SLC30A8: variants seen among roughly 807,000 people sequenced by gnomAD.
The protein encoded by SLC30A8 is solute carrier family 30 member 8, also known as proton-coupled zinc antiporter SLC30A8.
Under a neutral mutation model 36.9 loss-of-function variants are expected in SLC30A8, and 27 were observed. The ratio of observed to expected loss-of-function variants is 0.73; its 90% CI spans 0.54 to 1.01. SLC30A8 has a LOEUF of 1.01. SLC30A8 is among the 50% of genes least tolerant of loss of function. The pLI, the probability that SLC30A8 is intolerant of heterozygous loss-of-function variation, is 0.00. For missense variants in SLC30A8, 439 were observed against 452.0 expected (o/e 0.97, Z 0.26); for synonymous variants, 164 against 172.4 (o/e 0.95, Z 0.38).
chr8:117,161,921 T>TA, intron 5 of SLC30A8, 33 bp downstream of exon 5: 31 of 1,588,620 alleles, frequency 2.0e-5, no homozygotes, highest in Non-Finnish European at 2.6e-5. Flanking sequence ...TCCTAGTACT[T>TA]ATGTAGATTA....
At chr8:117,057,471 C>T (rs758057982) in intron 2 of SLC30A8, among the ~76,000 whole-genome samples, 1 of 151,788 alleles carries the variant, frequency 6.6e-6, no homozygotes, top group Non-Finnish European at 1.5e-5. Flanking sequence ...ACATTAGGTC[C>T]CAAGAATTTA....
Position 117,033,907 on chromosome 8 carries a change from T to C in SLC30A8, c.-265-5312T>C, listed in dbSNP as rs1470575789. Among the ~76,000 whole-genome samples the C allele has an allele frequency of 2.0e-5, 3 of 152,298 alleles. No homozygotes were observed. In the East Asian group the frequency reaches 5.8e-4, roughly 29 times the overall value. On this transcript the variant is annotated intron_variant, in intron 1 of 10. Coordinates refer to the SLC30A8 transcript ENST00000427715. ...ATTACTGAACTGCAAGGTAATACAT[T>C]TGTATTTTTTCCTAAGCTAAAAAAG...
chr8:117,045,873 T>C (rs2130764332), intron 2 of SLC30A8, among the ~76,000 whole-genome samples: 1 of 152,174 alleles, frequency 6.6e-6, no homozygotes, highest in Non-Finnish European at 1.5e-5. Flanking sequence ...GGTCTCTTTC[T>C]GCCTCTGGTT....
intron 2 of SLC30A8, among the ~76,000 whole-genome samples, chr8:117,049,585 T>A (rs1049362891): frequency 6.6e-6 from 1 of 152,218 alleles, no homozygotes; most frequent in African/African-American, 2.4e-5. Context: ...TTTGGAAGCT[T>A]TGAAAATGTT....
In SLC30A8 at chr8:117,113,971, T is replaced by C. The variant is rs10093229; in HGVS notation, c.-225-21309T>C. Among the ~76,000 whole-genome samples the C allele has an allele frequency of 5.8e-3, 881 of 152,180 alleles. 9 individuals are homozygous for C. Among genetic ancestry groups the C allele is most frequent in the African/African-American group, 0.02 (827 of 41,534 alleles). ...CGAGGACAACAGATTAACTAAAGAT[T>C]ATGTTTTTATCATCTGCTTCTTTAG... is the stretch of plus-strand genomic sequence containing the variant. On this transcript the variant is annotated intron_variant, in intron 2 of 10. Coordinates refer to the SLC30A8 transcript ENST00000427715.
intron 2 of SLC30A8, among the ~76,000 whole-genome samples, chr8:117,119,142 C>G (rs1020472855): frequency 1.3e-5 from 2 of 151,826 alleles, no homozygotes; most frequent in African/African-American, 2.4e-5. Context: ...CAGATAGGCT[C>G]TACTAGTAGG....
chr8:117,153,027 T>C lies in SLC30A8; in HGVS notation c.355T>C (p.Phe119Leu). 2 of 1,613,706 alleles carry C rather than the reference T, an allele frequency of 1.2e-6. 1 individual carries two copies. The highest frequency in any genetic ancestry group is 2.2e-5 in the South Asian group (2 of 91,014). The change falls in exon 3 of 8, where the codon TTC (phenylalanine) becomes CTC (leucine). Residue 119 changes from phenylalanine to leucine, a missense_variant. Coordinates refer to ENST00000456015, the MANE Select transcript of SLC30A8 (RefSeq NM_173851.3). The stretch of plus-strand genomic sequence containing the variant: ...CCTGACCAGTTTCCTGCTCAGTCTC[T>C]TCTCCCTGTGGTTGTCATCGAAGCC... ...IDLTSFLLSLFSLWLSSKPPS... is the reference protein window; with the variant it reads ...IDLTSFLLSLLSLWLSSKPPS...
intron 2 of SLC30A8, among the ~76,000 whole-genome samples, chr8:117,099,257 G>T (rs1819606952): frequency 1.3e-5 from 2 of 152,144 alleles, no homozygotes; most frequent in African/African-American, 2.4e-5. Flanking sequence ...ATTTGTCATT[G>T]CCTACCTTTT....
intron 4 of SLC30A8, among the ~76,000 whole-genome samples, chr8:117,158,809 T>C (rs1010141786): frequency 6.6e-5 from 10 of 152,248 alleles, no homozygotes; most frequent in Admixed American, 3.3e-4. Context: ...TCTAGCTAGC[T>C]ATCGTGTTGG....
intron 2 of SLC30A8, among the ~76,000 whole-genome samples, chr8:117,073,879 A>G (rs1038006172): frequency 6.6e-6 from 1 of 151,938 alleles, no homozygotes; most frequent in African/African-American, 2.4e-5. Context: ...TCCACAAATA[A>G]TTCATAGGGT....
chr8:117,014,907 T>C (rs999929685), intron 1 of SLC30A8, among the ~76,000 whole-genome samples: 1 of 152,134 alleles, frequency 6.6e-6, no homozygotes, highest in African/African-American at 2.4e-5. Context: ...TCTTCTCTGC[T>C]AATATCTGTT....
intron 1 of SLC30A8, among the ~76,000 whole-genome samples, chr8:117,029,951 A>G (rs991377653): frequency 3.9e-5 from 6 of 152,188 alleles, no homozygotes; most frequent in Non-Finnish European, 8.8e-5. Context: ...CTAATGGTGC[A>G]ATGTTTGTTT....
chr8:117,127,812 T>G (rs1820970312), intron 2 of SLC30A8, among the ~76,000 whole-genome samples: 1 of 152,054 alleles, frequency 6.6e-6, no homozygotes, highest in South Asian at 2.1e-4. Flanking sequence ...TTTACTTTTT[T>G]CCTTCCTCCG....
chr8:116,966,745 C>T (rs760433710), intron 1 of SLC30A8, among the ~76,000 whole-genome samples: 1 of 151,996 alleles, frequency 6.6e-6, no homozygotes, highest in Non-Finnish European at 1.5e-5. Flanking sequence ...AAATATTTTC[C>T]CAATAATAGA....
At chr8:117,146,248 A>G (rs1200720389) in intron 1 of SLC30A8, among the ~76,000 whole-genome samples, 2 of 152,178 alleles carry the variant, frequency 1.3e-5, no homozygotes, top group Non-Finnish European at 2.9e-5. Flanking sequence ...AGTTATATTT[A>G]TTATGCATCA....
At chr8:117,068,599 C>T (rs1468557446) in intron 2 of SLC30A8, among the ~76,000 whole-genome samples, 1 of 152,096 alleles carries the variant, frequency 6.6e-6, no homozygotes, top group Admixed American at 6.5e-5. Flanking sequence ...GTTTTTGAGA[C>T]AGTGTCTCAC....
chr8:116,999,643 C>T (rs1218863880), intron 1 of SLC30A8, among the ~76,000 whole-genome samples: 1 of 152,172 alleles, frequency 6.6e-6, no homozygotes, highest in Non-Finnish European at 1.5e-5. Context: ...TATTGCAGTG[C>T]CTGACACAGA....
chr8:117,109,259 T>G (rs1184919131), intron 2 of SLC30A8, among the ~76,000 whole-genome samples: 1 of 152,160 alleles, frequency 6.6e-6, no homozygotes, highest in Non-Finnish European at 1.5e-5. Flanking sequence ...GGCATTATTC[T>G]TTGAAGGAAA....
chr8:117,175,269 T>C lies in SLC30A8; in HGVS notation c.*2588T>C, dbSNP rs1823621573. 2.0e-5 allele frequency: 3 copies of C among 151,910 alleles called. No individual in the cohort carries two copies. The highest frequency in any genetic ancestry group is 4.4e-5 in the Non-Finnish European group (3 of 68,012). The allele number at this position is 151,910 out of a possible 1,614,324, so 9.4% of individuals were successfully genotyped here. A position where few individuals can be genotyped will look rare whatever the true frequency, so the allele number is the denominator to read the frequency against. ...TGTCTTTCAAAGCAACACTCTGTTC[T>C]TCTGAGTAGTGAAATCAGGTCAACT... is the stretch of plus-strand genomic sequence containing the variant. On this transcript the variant is annotated 3_prime_UTR_variant, in exon 8 of 8. Transcript: ENST00000456015.
Sources: allele counts gnomAD v4.1 joint callset (sites outside exome capture counted in the v4.1 genomes callset), GRCh38; gene constraint gnomAD v4.1.1; transcripts MANE v1.5; gene names NCBI Gene and HGNC (gene_info 2026-07-23, HGNC 2026-07-21).